DGCR6L: variants seen among roughly 807,000 people sequenced by gnomAD.
DGCR6L encodes the protein DiGeorge syndrome critical region gene 6 like, also known as protein DGCR6L.
DGCR6L carries 24 observed loss-of-function variants against 31.1 expected under a neutral mutation model. The ratio of observed to expected loss-of-function variants is 0.77; its 90% CI spans 0.56 to 1.08. The LOEUF (loss-of-function observed/expected upper bound fraction) is 1.08, where lower values mean the gene tolerates loss of function less well. Ranked by LOEUF, DGCR6L falls within the 50% of genes least tolerant of loss-of-function variation. The pLI is 0.00. For missense variants in DGCR6L, 218 were observed against 287.1 expected, an observed-to-expected ratio of 0.76 and a Z score of 1.74; for synonymous variants, 104 against 126.1, an observed-to-expected ratio of 0.82 and a Z score of 1.17.
At chr22:20,317,661 C>G (rs1461728921) in intron 2 of DGCR6L, among the ~76,000 whole-genome samples, 1 of 152,190 alleles carries the variant, frequency 6.6e-6, no homozygotes, top group Non-Finnish European at 1.5e-5. Flanking sequence ...GACTGAGACA[C>G]GGAGAAAACA....
chr22:20,318,164 C>T (rs2051583585), intron 2 of DGCR6L: 1 of 153,876 alleles, frequency 6.5e-6, no homozygotes, highest in Admixed American at 6.5e-5. Context: ...GAAAATGATT[C>T]ACCACGTGAT....
chr22:20,315,258 A>G, intron 4 of DGCR6L, 78 bp downstream of exon 4: 1 of 1,552,900 alleles, frequency 6.4e-7, no homozygotes, highest in Non-Finnish European at 8.7e-7. Context: ...CTGGCTCCCC[A>G]GGGACCAGCA....
chr22:20,315,116 G>A (rs1248458180), intron 4 of DGCR6L: 3 of 1,255,508 alleles, frequency 2.4e-6, no homozygotes, highest in Non-Finnish European at 2.2e-6. Context: ...AGCAGGCCTG[G>A]AGAGGGTGGG....
intron 2 of DGCR6L, chr22:20,318,666 G>C (rs548961424): frequency 6.6e-6 from 1 of 152,222 alleles, no homozygotes; most frequent in Non-Finnish European, 1.5e-5. Flanking sequence ...ACCTTCTGCA[G>C]CTGTGTAGGA....
chr22:20,316,173 G>C lies in DGCR6L; in HGVS notation c.318C>G (p.Ala106=). 1 of 1,610,116 alleles carries C rather than the reference G, an allele frequency of 6.2e-7. No individual in the cohort carries two copies. ...CCACAGGCAGGTTGTGGGGCCGGCA[G>C]GCCTGCTGGGCTTCCTGGTGCTTCT... ...LRQKHQEAQQ[A]CRPHNLPVVQ... is the part of the protein sequence containing the mutation. The change falls in exon 3 of 5, where the codon GCC becomes GCG. Residue 106 remains alanine, a synonymous_variant. Transcript: ENST00000248879.
intron 4 of DGCR6L, 94 bp downstream of exon 4, chr22:20,315,242 C>A: frequency 6.5e-7 from 1 of 1,546,596 alleles, no homozygotes; most frequent in Non-Finnish European, 8.7e-7. Flanking sequence ...CCCCCATACC[C>A]TGAGCCTGGC....
intron 3 of DGCR6L, among the ~76,000 whole-genome samples, 169 bp downstream of exon 3, chr22:20,315,950 G>A (rs1008503636): frequency 4.6e-5 from 7 of 152,172 alleles, no homozygotes; most frequent in Non-Finnish European, 8.8e-5. Context: ...CTTGGTATCC[G>A]CAAAGAGGAG....
At position 20,320,056 on chromosome 22, in the gene DGCR6L, G is replaced by T; in HGVS notation, c.-68C>A. 3 of 1,454,696 alleles carry T rather than the reference G, an allele frequency of 2.1e-6. No homozygotes were observed. Among genetic ancestry groups the T allele is most frequent in the Non-Finnish European group, 2.7e-6 (3 of 1,106,410 alleles). 90.1% of individuals were successfully genotyped at this position (1,454,696 alleles called of 1,614,324 possible). A position where few individuals can be genotyped will look rare whatever the true frequency, so the allele number is the denominator to read the frequency against. On this transcript the variant is annotated 5_prime_UTR_variant, in exon 1 of 5. Coordinates refer to ENST00000248879, the MANE Select transcript of DGCR6L (RefSeq NM_033257.4). ...CCCAGCTTCACGACATCCCGAGCGCGGCGCGTCCCGCCCCTTTTACGATTG... is the reference window on the plus strand; with the variant it reads ...CCCAGCTTCACGACATCCCGAGCGCTGCGCGTCCCGCCCCTTTTACGATTG...
rs759826894 is a variant in DGCR6L at position 20,319,817 on chromosome 22, C to A, written c.111-18G>T. ...GGAAAGAGCTGCGGGTAGGGGGGCG[C>A]GGTGAGCCCCGGCGGGAAACGAAGC... On this transcript the variant is annotated intron_variant, in intron 1 of 4. Coordinates refer to ENST00000248879, the MANE Select transcript of DGCR6L (RefSeq NM_033257.4). 6.2e-7 allele frequency: 1 copy of A among 1,601,872 alleles called. No individual in the cohort carries two copies. The highest frequency in any genetic ancestry group is 8.5e-7 in the Non-Finnish European group (1 of 1,174,930).
chr22:20,317,441 C>G (rs1421527381), intron 2 of DGCR6L, among the ~76,000 whole-genome samples: 19 of 152,344 alleles, frequency 1.2e-4, no homozygotes, highest in Non-Finnish European at 2.4e-4. Context: ...TAGACATGAC[C>G]AGGGAACACA....
At chr22:20,314,921 A>T (rs1237787922) in intron 4 of DGCR6L, 97 bp from the exon 5 acceptor site, 5 of 1,581,732 alleles carry the variant, frequency 3.2e-6, no homozygotes, top group Non-Finnish European at 4.3e-6. Flanking sequence ...GGGGGCGACC[A>T]TCCTGTGAAG....
Position 20,315,359 on chromosome 22 carries a change from A to G in DGCR6L, c.490T>C (p.Phe164Leu), listed in dbSNP as rs767912512. The stretch of plus-strand genomic sequence containing the variant: ...ACCTGTGGGTTGGTGGTCACGTAGA[A>G]GCCAGCCACCCCCGCCTTCTCCAGT... ...STLEKAGVAG[F>L]YVTTNPQELM... Residue 164 changes from phenylalanine to leucine, a missense_variant, in exon 4 of 5, where the codon TTC becomes CTC. Transcript: ENST00000248879. 1.2e-6 allele frequency: 2 copies of G among 1,613,604 alleles called. No homozygotes were observed. Among genetic ancestry groups the G allele is most frequent in the Non-Finnish European group, 1.7e-6 (2 of 1,179,950 alleles).
In DGCR6L at chr22:20,320,028, TC is replaced by T; in HGVS notation, c.-41del. 2 of 1,497,112 alleles carry T rather than the reference TC, an allele frequency of 1.3e-6. No individual in the cohort carries two copies. The highest frequency in any genetic ancestry group is 8.9e-7 in the Non-Finnish European group (1 of 1,128,568). 92.7% of individuals were successfully genotyped at this position (1,497,112 alleles called of 1,614,324 possible). On this transcript the variant is annotated 5_prime_UTR_variant, in exon 1 of 5. Transcript: ENST00000248879. The stretch of plus-strand genomic sequence containing the variant: ...CTAGCCGCCGGCGGCGGCGACGAGC[TC>T]CCCCAGCTTCACGACATCCCGAGCG...
At chr22:20,315,873 A>C (rs1940642310) in intron 3 of DGCR6L, among the ~76,000 whole-genome samples, 1 of 152,184 alleles carries the variant, frequency 6.6e-6, no homozygotes, top group Admixed American at 6.5e-5. Flanking sequence ...TGGAGGCCCA[A>C]ACCCACGAGG....
In DGCR6L at chr22:20,319,705, C is replaced by T; in HGVS notation, c.205G>A (p.Glu69Lys). Reference sequence around the variant, plus strand: ...CTCTTTTCGGTGAGGTGCTGGATCTCCAGTAGCCCCTGCACGATTTCGAAC... The same window carrying T: ...CTCTTTTCGGTGAGGTGCTGGATCTTCAGTAGCCCCTGCACGATTTCGAAC... ...TVFEIVQGLL[E>K]IQHLTEKSLY... Residue 69 changes from glutamate to lysine, a missense_variant, in exon 2 of 5, where the codon GAG becomes AAG. This residue lies in a region of DGCR6L where 5 missense variants were observed against 20.6 expected (regional missense o/e 0.24). Transcript: ENST00000248879. 1 of 1,612,696 alleles carries T rather than the reference C, an allele frequency of 6.2e-7. No homozygotes were observed. The highest frequency in any genetic ancestry group is 8.5e-7 in the Non-Finnish European group (1 of 1,179,800).
chr22:20,318,961 T>C (rs1016502551), intron 2 of DGCR6L, among the ~76,000 whole-genome samples: 1 of 152,248 alleles, frequency 6.6e-6, no homozygotes, highest in African/African-American at 2.4e-5. Context: ...ACGTTAACTA[T>C]TGAACTTTAG....
Position 20,314,531 on chromosome 22 carries a change from G to C in DGCR6L, c.*144C>G. On this transcript the variant is annotated 3_prime_UTR_variant, in exon 5 of 5. Transcript: ENST00000248879. The stretch of plus-strand genomic sequence containing the variant: ...CCTTTATGAGACTATCCTAGGGTTT[G>C]ACAGCAAGTCCCAGATGAAGGGTGA... The C allele has an allele frequency of 8.2e-7, 1 of 1,214,530 alleles. No homozygotes were observed. The highest frequency in any genetic ancestry group is 1.1e-6 in the Non-Finnish European group (1 of 886,838). 75.2% of individuals were successfully genotyped at this position (1,214,530 alleles called of 1,614,324 possible).
chr22:20,316,593 CCA>C (rs146926144), intron 2 of DGCR6L, among the ~76,000 whole-genome samples: 3,867 of 152,336 alleles, frequency 0.025, 107 homozygotes, highest in East Asian at 0.13. Flanking sequence ...GTGTCAGAGA[CCA>C]CCTCAGGCAA....
Position 20,320,002 on chromosome 22 carries a change from G to A in DGCR6L, c.-14C>T, listed in dbSNP as rs756975287. Reference sequence around the variant, plus strand: ...GTAGCGCTCCATGGCGCGGACGCCCGCTAGCCGCCGGCGGCGGCGACGAGC... The same window carrying A: ...GTAGCGCTCCATGGCGCGGACGCCCACTAGCCGCCGGCGGCGGCGACGAGC... On this transcript the variant is annotated 5_prime_UTR_variant, in exon 1 of 5. Transcript: ENST00000248879. 8 of 1,540,236 alleles carry A rather than the reference G, an allele frequency of 5.2e-6. No homozygotes were observed. Among genetic ancestry groups the A allele is most frequent in the Non-Finnish European group, 6.1e-6 (7 of 1,149,452 alleles).
Sources: allele counts gnomAD v4.1 joint callset (sites outside exome capture counted in the v4.1 genomes callset), GRCh38; gene constraint gnomAD v4.1.1; regional missense constraint gnomAD v4.1.1; transcripts MANE v1.5; gene names NCBI Gene and HGNC (gene_info 2026-07-23, HGNC 2026-07-21).